The following PTPRN2 variants were observed in gnomAD, a reference collection of about 807,000 sequenced individuals.
PTPRN2 encodes the protein protein tyrosine phosphatase receptor type N2, also known as receptor-type tyrosine-protein phosphatase N2.
PTPRN2 carries 74 observed loss-of-function variants against 118.8 expected under a neutral mutation model. That is an observed-to-expected ratio of 0.62 (90% CI 0.52 to 0.76). The LOEUF is 0.76. Among genes scored for constraint, PTPRN2 ranks in the 30% least tolerant of loss-of-function variants. The pLI is 0.00. For missense variants in PTPRN2, 1,481 were observed against 1,394.4 expected, an observed-to-expected ratio of 1.06 and a Z score of -0.99; for synonymous variants, 641 against 608.0, an observed-to-expected ratio of 1.05 and a Z score of -0.80.
At chr7:158,562,725 T>C (rs2129451005) in intron 1 of PTPRN2, among the ~76,000 whole-genome samples, 1 of 152,264 alleles carries the variant, frequency 6.6e-6, no homozygotes, top group South Asian at 2.1e-4. Context: ...TGAGTGATAA[T>C]GGCGTGAAGG....
intron 1 of PTPRN2, among the ~76,000 whole-genome samples, chr7:158,511,502 CA>C (rs1823176770): frequency 6.6e-6 from 1 of 152,190 alleles, no homozygotes; most frequent in South Asian, 2.1e-4. Flanking sequence ...AGGGTCCCAA[CA>C]CGAAAAAGGA....
intron 11 of PTPRN2, among the ~76,000 whole-genome samples, chr7:158,062,871 G>A (rs1012515027): frequency 2.0e-5 from 3 of 152,168 alleles, no homozygotes; most frequent in Admixed American, 6.5e-5. Context: ...ATGGGCTCCT[G>A]TGCGGCCTGA....
chr7:158,438,485 T>C lies in PTPRN2; in HGVS notation c.163+51250A>G, dbSNP rs1816744165. ...TGTGGAATCATCAAAACAGGCTAAT[T>C]AACAGGATCTTGGCCTCTCAAATCC... On this transcript the variant is annotated intron_variant, in intron 2 of 22. Transcript: ENST00000389418. This position sits in a 1 kb window ranked among gnomAD's most constrained non-coding sequence, Gnocchi z 4.7. Among the ~76,000 whole-genome samples, 2 of 152,226 alleles carry C rather than the reference T, an allele frequency of 1.3e-5. No homozygotes were observed. Among genetic ancestry groups the C allele is most frequent in the Non-Finnish European group, 2.9e-5 (2 of 68,040 alleles).
intron 12 of PTPRN2, among the ~76,000 whole-genome samples, chr7:157,866,553 T>C (rs1232402600): frequency 1.3e-5 from 2 of 152,044 alleles, no homozygotes; most frequent in Non-Finnish European, 2.9e-5. Flanking sequence ...GCCCTTGCCA[T>C]GACAACCATG....
intron 2 of PTPRN2, among the ~76,000 whole-genome samples, chr7:158,337,758 T>G (rs1283160423): frequency 2.3e-5 from 2 of 87,538 alleles, no homozygotes; most frequent in Admixed American, 1.1e-4. Context: ...CCATAAGAGG[T>G]GACACCTGCA....
At chr7:157,828,221 G>A (rs528193207) in intron 12 of PTPRN2, among the ~76,000 whole-genome samples, 19 of 152,286 alleles carry the variant, frequency 1.2e-4, no homozygotes, top group Admixed American at 8.5e-4. Flanking sequence ...CACGCGTGTG[G>A]TCACCACAGT....
At chr7:158,571,586 A>G (rs769817140) in intron 1 of PTPRN2, among the ~76,000 whole-genome samples, 11 of 143,706 alleles carry the variant, frequency 7.7e-5, no homozygotes, top group South Asian at 6.8e-4. Flanking sequence ...GCTTTAGAGC[A>G]GGAATGAAAG....
chr7:158,585,437 T>G (rs1048779455), intron 1 of PTPRN2, among the ~76,000 whole-genome samples: 1 of 152,256 alleles, frequency 6.6e-6, no homozygotes, highest in Non-Finnish European at 1.5e-5. Flanking sequence ...GATGTCTGCA[T>G]CCTTAATGTT....
chr7:158,127,513 C>T (rs1000241778), intron 9 of PTPRN2, among the ~76,000 whole-genome samples: 1 of 152,190 alleles, frequency 6.6e-6, no homozygotes. Context: ...GCCGGACTTC[C>T]GTGGGTCAAG....
chr7:157,753,623 C>G (rs372609588), intron 12 of PTPRN2, among the ~76,000 whole-genome samples: 3 of 151,308 alleles, frequency 2.0e-5, no homozygotes, highest in African/African-American at 7.3e-5. Flanking sequence ...TTCTCTACCA[C>G]GTGCCAGGCC....
intron 3 of PTPRN2, among the ~76,000 whole-genome samples, chr7:158,266,543 G>A (rs1797896517): frequency 6.6e-6 from 1 of 152,162 alleles, no homozygotes; most frequent in Admixed American, 6.5e-5. Context: ...GCGGTGTGAT[G>A]TCTGGCAGAA....
chr7:158,005,617 G>A (rs989109971), intron 11 of PTPRN2, among the ~76,000 whole-genome samples: 13 of 152,238 alleles, frequency 8.5e-5, no homozygotes, highest in South Asian at 2.1e-4. Context: ...GTCTTAGAGA[G>A]CTGGAAGATG....
chr7:158,444,894 C>G (rs997996973), intron 2 of PTPRN2, among the ~76,000 whole-genome samples: 2 of 152,236 alleles, frequency 1.3e-5, no homozygotes, highest in African/African-American at 4.8e-5. Flanking sequence ...AGGGCCCGCT[C>G]TCTTTCATCA....
At chr7:158,541,811 G>A (rs1261279134) in intron 1 of PTPRN2, 5 of 886,172 alleles carry the variant, frequency 5.6e-6, no homozygotes, top group Admixed American at 1.2e-4. Flanking sequence ...GGCCGCTGGG[G>A]AAGCTGAGAG....
intron 2 of PTPRN2, among the ~76,000 whole-genome samples, chr7:158,334,080 ACT>A (rs1203982763): frequency 1.2e-5 from 1 of 81,834 alleles, no homozygotes; most frequent in Non-Finnish European, 2.6e-5. Context: ...TCACACCCAC[ACT>A]CTCACCATAA....
At chr7:158,459,014 GGA>G (rs1220433015) in intron 2 of PTPRN2, among the ~76,000 whole-genome samples, 1 of 152,214 alleles carries the variant, frequency 6.6e-6, no homozygotes, top group Non-Finnish European at 1.5e-5. Context: ...TGGGGGCACA[GGA>G]GAGAGAGGAC....
At chr7:157,961,860 G>A (rs1277752666) in intron 11 of PTPRN2, among the ~76,000 whole-genome samples, 1 of 152,188 alleles carries the variant, frequency 6.6e-6, no homozygotes, top group Non-Finnish European at 1.5e-5. Flanking sequence ...GTTCCAGTGG[G>A]AAAGAGGCTT....
intron 1 of PTPRN2, among the ~76,000 whole-genome samples, chr7:158,499,107 C>G (rs941761510): frequency 6.6e-6 from 1 of 152,202 alleles, no homozygotes; most frequent in African/African-American, 2.4e-5. Context: ...CCAAAGCCCT[C>G]TAACAAAAAG....
intron 12 of PTPRN2, among the ~76,000 whole-genome samples, chr7:157,759,087 C>T (rs1192285161): frequency 1.3e-5 from 2 of 152,238 alleles, no homozygotes; most frequent in African/African-American, 4.8e-5. Context: ...TCTCTTGGGT[C>T]TGAAAAATCA....
Sources: gnomAD v4.1 joint callset for allele counts (sites outside exome capture counted in the v4.1 genomes callset) on GRCh38, gnomAD v4.1.1 for gene constraint, Gnocchi (gnomAD v3.1) non-coding constraint, MANE v1.5 for transcripts, NCBI Gene and HGNC (gene_info 2026-07-23, HGNC 2026-07-21) for gene names.